Variants in PI4KA observed in about 807,000 individuals in gnomAD.
PI4KA encodes the protein PI4-kinase alpha.
In PI4KA, 122 loss-of-function variants were observed where a neutral mutation model predicts 271.4. That is an observed-to-expected ratio of 0.45 (90% confidence interval 0.39 to 0.52). The LOEUF (loss-of-function observed/expected upper bound fraction) is 0.52, where lower values mean the gene tolerates loss of function less well. Among genes scored for constraint, PI4KA ranks in the 20% least tolerant of loss-of-function variants. The pLI, the probability that PI4KA is intolerant of heterozygous loss-of-function variation, is 0.00. For missense variants in PI4KA, 1,969 were observed against 2,769.1 expected, an observed-to-expected ratio of 0.71 and a Z score of 6.48; for synonymous variants, 1,041 against 1,078.8, an observed-to-expected ratio of 0.96 and a Z score of 0.69.
chr22:20,769,628 C>G (rs1461640067), intron 19 of PI4KA, among the ~76,000 whole-genome samples: 1 of 149,044 alleles, frequency 6.7e-6, no homozygotes, highest in Non-Finnish European at 1.5e-5. Flanking sequence ...AAGATTGCGC[C>G]ACTGCACTGC....
chr22:20,742,418 C>G, intron 31 of PI4KA, 63 bp from the exon 32 acceptor site: 3 of 1,589,804 alleles, frequency 1.9e-6, no homozygotes, highest in Non-Finnish European at 2.6e-6. Context: ...AACAGCTTCC[C>G]TGGGCCAACA....
intron 18 of PI4KA, among the ~76,000 whole-genome samples, chr22:20,795,767 A>T (rs1307330998): frequency 2.0e-5 from 3 of 152,020 alleles, no homozygotes; most frequent in African/African-American, 7.3e-5. Context: ...GGCCCTTCTC[A>T]TGTTGCCACT....
intron 23 of PI4KA, 129 bp downstream of exon 23, chr22:20,761,175 T>C: frequency 3.0e-6 from 2 of 666,062 alleles, no homozygotes; most frequent in Admixed American, 2.4e-5. Flanking sequence ...TGTTTTATAC[T>C]GATCTTTCTC....
At chr22:20,743,882 G>A (rs915951618) in intron 30 of PI4KA, among the ~76,000 whole-genome samples, 3 of 151,936 alleles carry the variant, frequency 2.0e-5, no homozygotes, top group African/African-American at 7.3e-5. Flanking sequence ...GTGAAACCCC[G>A]TCTCCACTAA....
At chr22:20,817,627 G>A (rs965799839) in intron 7 of PI4KA, among the ~76,000 whole-genome samples, 10 of 149,850 alleles carry the variant, frequency 6.7e-5, no homozygotes, top group South Asian at 4.3e-4. Context: ...CTAGCTACTT[G>A]GGAGGCTGAG....
chr22:20,722,226 A>G (rs1043082683), intron 42 of PI4KA, among the ~76,000 whole-genome samples: 3 of 152,088 alleles, frequency 2.0e-5, no homozygotes, highest in African/African-American at 7.2e-5. Flanking sequence ...TCGGTCTGTC[A>G]CCCAGGCTGT....
chr22:20,758,536 TC>T (rs545681865), intron 23 of PI4KA, among the ~76,000 whole-genome samples: 2 of 151,486 alleles, frequency 1.3e-5, no homozygotes, highest in South Asian at 4.2e-4. Flanking sequence ...CAATTCTTTT[TC>T]TTCCAATGTG....
At chr22:20,829,910 C>T (rs1923931405) in intron 3 of PI4KA, among the ~76,000 whole-genome samples, 1 of 152,096 alleles carries the variant, frequency 6.6e-6, no homozygotes, top group Non-Finnish European at 1.5e-5. Context: ...ATCATTTACC[C>T]GAAGGTCATT....
intron 35 of PI4KA, 40 bp downstream of exon 35, chr22:20,733,696 G>A (rs760341810): frequency 1.6e-5 from 26 of 1,613,684 alleles, no homozygotes; most frequent in East Asian, 8.9e-5. Context: ...GAGGGGCTGC[G>A]CCGTCCCTGG....
At chr22:20,720,015 G>A (rs546944002) in intron 43 of PI4KA, among the ~76,000 whole-genome samples, 51 of 103,876 alleles carry the variant, frequency 4.9e-4, no homozygotes, top group African/African-American at 2.0e-3. Context: ...GACTAATCAA[G>A]ACTCTGTCTC....
Position 20,834,607 on chromosome 22 carries a change from G to A in PI4KA, c.322C>T (p.Pro108Ser). ...PYLLRLLKGL[P>S]KVYWVEESTA... ...CTTTCTTCTACCCAATACACTTTTG[G>A]AAGACCTTTGAGAAGTCGAAGAAGG... The change falls in exon 3 of 55, where the codon CCA (proline) becomes TCA (serine). Residue 108 changes from proline to serine, a missense_variant. Transcript: ENST00000255882. 6.2e-7 allele frequency: 1 copy of A among 1,611,594 alleles called. No individual in the cohort carries two copies.
At chr22:20,757,205 G>A (rs1007657607) in intron 23 of PI4KA, among the ~76,000 whole-genome samples, 7 of 152,108 alleles carry the variant, frequency 4.6e-5, no homozygotes, top group Admixed American at 3.9e-4. Context: ...TGTCTCCAAA[G>A]ACATTTCCTT....
chr22:20,721,565 G>A, intron 42 of PI4KA, 147 bp from the exon 43 acceptor site: 1 of 778,946 alleles, frequency 1.3e-6, no homozygotes, highest in Non-Finnish European at 2.1e-6. Context: ...CTCCAGGATT[G>A]ATGTTGAGTC....
chr22:20,725,655 G>A, intron 42 of PI4KA: 1 of 373,770 alleles, frequency 2.7e-6, no homozygotes, highest in Non-Finnish European at 5.7e-6. Flanking sequence ...AGCACTTTTG[G>A]AGGCGGAGGT....
chr22:20,848,112 C>T (rs984907892), intron 1 of PI4KA, among the ~76,000 whole-genome samples: 1 of 152,120 alleles, frequency 6.6e-6, no homozygotes, highest in East Asian at 1.9e-4. Flanking sequence ...GTTGTGCACA[C>T]CTGTAGTCCC....
At chr22:20,837,911 G>A (rs558511868) in intron 2 of PI4KA, among the ~76,000 whole-genome samples, 13 of 152,166 alleles carry the variant, frequency 8.5e-5, no homozygotes, top group African/African-American at 2.9e-4. Context: ...CTGAGGTCAG[G>A]AGTTTGAGAC....
At chr22:20,754,997 T>C (rs1274215971) in intron 23 of PI4KA, among the ~76,000 whole-genome samples, 1 of 152,048 alleles carries the variant, frequency 6.6e-6, no homozygotes, top group Non-Finnish European at 1.5e-5. Flanking sequence ...CTTTGTTGCC[T>C]AGGCTGGTCT....
At chr22:20,813,307 C>G (rs1357301638) in intron 8 of PI4KA, 51 bp downstream of exon 8, 1 of 1,387,468 alleles carries the variant, frequency 7.2e-7, no homozygotes, top group Non-Finnish European at 9.9e-7. Flanking sequence ...TCACCACTAG[C>G]AATTTTACTG....
chr22:20,713,443 T>G (rs1271417380), intron 47 of PI4KA, 53 bp from the exon 48 acceptor site: 3 of 1,383,156 alleles, frequency 2.2e-6, no homozygotes, highest in Non-Finnish European at 3.0e-6. Flanking sequence ...AGAAGCCCTC[T>G]GAGGGGGCCA....
Sources: gnomAD v4.1 joint callset for allele counts (sites outside exome capture counted in the v4.1 genomes callset) on GRCh38, gnomAD v4.1.1 for gene constraint, MANE v1.5 for transcripts, NCBI Gene and HGNC (gene_info 2026-07-23, HGNC 2026-07-21) for gene names.